Variants in TCP11L1 observed in about 807,000 individuals in gnomAD.
The protein encoded by TCP11L1 is t-complex 11 like 1.
TCP11L1 carries 28 observed loss-of-function variants against 48.9 expected under a neutral mutation model. The observed-to-expected ratio is 0.57, with a 90% CI of 0.42 to 0.78. The LOEUF is 0.78. TCP11L1 is among the 30% of genes least tolerant of loss of function. TCP11L1 has a pLI of 0.00. For synonymous variants in TCP11L1, 204 were observed against 231.9 expected (o/e 0.88, Z 1.09); for missense variants, 505 against 613.4 (o/e 0.82, Z 1.87).
chr11:33,057,434 G>A (rs1229896326), intron 4 of TCP11L1, among the ~76,000 whole-genome samples, 199 bp downstream of exon 4: 1 of 152,138 alleles, frequency 6.6e-6, no homozygotes, highest in African/African-American at 2.4e-5. Context: ...TAACCTGAAG[G>A]CATTTAAGAC....
chr11:33,063,330 AC>A (rs1462377785), intron 7 of TCP11L1, among the ~76,000 whole-genome samples: 1 of 152,194 alleles, frequency 6.6e-6, no homozygotes, highest in Non-Finnish European at 1.5e-5. Flanking sequence ...TCTCTTGGTT[AC>A]GTACCTAGGA....
At chr11:33,056,996 T>C (rs1854327718) in intron 3 of TCP11L1, 119 bp from the exon 4 acceptor site, 1 of 1,391,158 alleles carries the variant, frequency 7.2e-7, no homozygotes, top group Admixed American at 2.2e-5. Context: ...AATCTTTCCT[T>C]GGTCCAAATC....
At chr11:33,062,388 T>C (rs1854493800) in intron 7 of TCP11L1, among the ~76,000 whole-genome samples, 1 of 149,430 alleles carries the variant, frequency 6.7e-6, no homozygotes, top group Admixed American at 6.7e-5. Context: ...AATGAAATCA[T>C]ACACTACCAG....
intron 9 of TCP11L1, among the ~76,000 whole-genome samples, chr11:33,072,175 G>T (rs1243051386): frequency 6.6e-6 from 1 of 152,180 alleles, no homozygotes; most frequent in African/African-American, 2.4e-5. Flanking sequence ...TTCCAAGTGT[G>T]TTTGAGCTTC....
chr11:33,063,772 A>T (rs1177953654), intron 7 of TCP11L1, among the ~76,000 whole-genome samples: 1 of 152,060 alleles, frequency 6.6e-6, no homozygotes, highest in Admixed American at 6.6e-5. Context: ...TCTTTCTTAT[A>T]AGTTCCTTAT....
intron 2 of TCP11L1, chr11:33,044,169 C>G: frequency 2.6e-6 from 1 of 383,344 alleles, no homozygotes; most frequent in Non-Finnish European, 4.6e-6. Flanking sequence ...CTGTCTTTCT[C>G]CAGCCTCAGT....
At chr11:33,057,780 A>G (rs1854351565) in intron 4 of TCP11L1, 139 bp from the exon 5 acceptor site, 2 of 708,316 alleles carry the variant, frequency 2.8e-6, no homozygotes, top group Admixed American at 6.9e-5. Context: ...GTTTTTCTGT[A>G]GGTTTGTTGA....
intron 9 of TCP11L1, among the ~76,000 whole-genome samples, chr11:33,070,508 A>G (rs1451875933): frequency 1.3e-5 from 2 of 151,900 alleles, no homozygotes; most frequent in African/African-American, 4.8e-5. Context: ...CAACATGTAG[A>G]AACTCCGCCT....
rs1199927469 is a variant in TCP11L1, at chr11:33,058,107, A to G, written c.606A>G (p.Leu202=). ...CTCGAGATGAGGAAGTTAAGAAACT[A>G]AAGGACATTAAGGAAATAGTGCCCC... is the stretch of plus-strand genomic sequence containing the variant. ...APARDEEVKK[L]KDIKEIVPLF... is the part of the protein sequence containing the mutation. The change falls in exon 5 of 10, where the codon CTA becomes CTG. Residue 202 remains leucine (L), a synonymous_variant. Transcript: ENST00000334274. 6.2e-7 allele frequency: 1 copy of G among 1,613,902 alleles called. No homozygotes were observed. Among genetic ancestry groups the G allele is most frequent in the Non-Finnish European group, 8.5e-7 (1 of 1,180,004 alleles).
chr11:33,068,514 T>TG (rs1014435533), intron 8 of TCP11L1, among the ~76,000 whole-genome samples, 173 bp from the exon 9 acceptor site: 6 of 152,180 alleles, frequency 3.9e-5, no homozygotes, highest in African/African-American at 1.2e-4. Context: ...AAAGTCCCCC[T>TG]GGTCAGGTAT....
At chr11:33,065,398 GTAT>G (rs1205684691) in intron 7 of TCP11L1, among the ~76,000 whole-genome samples, 5 of 152,242 alleles carry the variant, frequency 3.3e-5, no homozygotes, top group African/African-American at 1.2e-4. Flanking sequence ...CGAGTAGCTG[GTAT>G]TATAGGCATG....
rs543725401 is a variant in TCP11L1 at position 33,061,451 on chromosome 11, C to T, written c.776-79C>T. Reference sequence around the variant, plus strand: ...TTTATACTTTATCACTCCACCAGGACATCGATTGTCCCTTAAGTAATTCCG... The same window carrying T: ...TTTATACTTTATCACTCCACCAGGATATCGATTGTCCCTTAAGTAATTCCG... On this transcript the variant is annotated intron_variant, in intron 6 of 9. Coordinates refer to ENST00000334274, the MANE Select transcript of TCP11L1 (RefSeq NM_018393.4). 1.1e-3 allele frequency: 1,436 copies of T among 1,355,092 alleles called. 3 individuals carry two copies. The highest frequency in any genetic ancestry group is 1.3e-3 in the Non-Finnish European group (1,306 of 1,006,232). 83.9% of individuals were successfully genotyped at this position (1,355,092 alleles called of 1,614,324 possible).
In TCP11L1 at chr11:33,043,831, G is replaced by A. The variant is rs769810587; in HGVS notation, c.58G>A (p.Asp20Asn). 2 of 1,613,772 alleles carry A rather than the reference G, an allele frequency of 1.2e-6. No homozygotes were observed. The highest frequency in any genetic ancestry group is 1.7e-6 in the Non-Finnish European group (2 of 1,179,892). Residue 20 changes from aspartate (D) to asparagine (N), a missense_variant, in exon 2 of 10, where the codon GAT becomes AAT. Physicochemically the swap from Asp to Asn is conservative, Grantham distance 23. Coordinates refer to ENST00000334274, the MANE Select transcript of TCP11L1 (RefSeq NM_018393.4). ...TGAAGCAGGAAAATCAAAATCCAAT[G>A]ATTCTGAGGAAGGCCTCGAAGATGC... is the stretch of plus-strand genomic sequence containing the variant. ...VNEAGKSKSN[D>N]SEEGLEDAVE... is the part of the protein sequence containing the mutation.
chr11:33,071,015 AAAG>A (rs1216128189), intron 9 of TCP11L1, among the ~76,000 whole-genome samples: 5 of 151,870 alleles, frequency 3.3e-5, no homozygotes, highest in Admixed American at 6.6e-5. Context: ...AAGAAAAAAA[AAAG>A]AAGAAGGGTG....
At chr11:33,058,186 C>T in intron 5 of TCP11L1, 47 bp downstream of exon 5, 3 of 1,470,920 alleles carry the variant, frequency 2.0e-6, no homozygotes, top group Non-Finnish European at 2.7e-6. Context: ...AATTCAGAGG[C>T]ATTTTCTTTT....
chr11:33,041,216 T>G (rs1853822953), intron 1 of TCP11L1: 1 of 152,246 alleles, frequency 6.6e-6, no homozygotes, highest in Non-Finnish European at 1.5e-5. Context: ...TCCTCCTCAC[T>G]GCACAGAATG....
At chr11:33,058,183 A>C in intron 5 of TCP11L1, 44 bp downstream of exon 5, 1 of 1,501,506 alleles carries the variant, frequency 6.7e-7, no homozygotes, top group Non-Finnish European at 8.9e-7. Flanking sequence ...TACAATTCAG[A>C]GGCATTTTCT....
chr11:33,057,020 T>G (rs746755379), intron 3 of TCP11L1, 95 bp from the exon 4 acceptor site: 5 of 1,535,282 alleles, frequency 3.3e-6, no homozygotes, highest in Non-Finnish European at 3.5e-6. Context: ...GGGATTGATC[T>G]TACCCTAAAC....
intron 9 of TCP11L1, among the ~76,000 whole-genome samples, chr11:33,069,658 G>T (rs147276787): frequency 5.3e-5 from 8 of 152,110 alleles, no homozygotes; most frequent in African/African-American, 1.9e-4. Flanking sequence ...GCAGTGATGC[G>T]ATCTCGGCTC....
Sources: gnomAD v4.1 joint callset for allele counts (sites outside exome capture counted in the v4.1 genomes callset) on GRCh38, gnomAD v4.1.1 for gene constraint, MANE v1.5 for transcripts, NCBI Gene and HGNC (gene_info 2026-07-23, HGNC 2026-07-21) for gene names.